ADAMTS16: variants seen among roughly 807,000 people sequenced by gnomAD.
ADAMTS16 encodes ADAM metallopeptidase with thrombospondin type 1 motif 16, also known as A disintegrin and metalloproteinase with thrombospondin motifs 16.
ADAMTS16 carries 94 observed loss-of-function variants against 145.8 expected under a neutral mutation model. The ratio of observed to expected loss-of-function variants is 0.64; its 90% CI spans 0.55 to 0.77. ADAMTS16 has a LOEUF of 0.77. ADAMTS16 is among the 30% of genes least tolerant of loss of function. ADAMTS16 has a pLI of 0.00. For missense variants in ADAMTS16, 1,585 were observed against 1,591.5 expected (o/e 1.00, Z 0.07); for synonymous variants, 659 against 604.3 (o/e 1.09, Z -1.33).
At chr5:5,186,755 C>A (rs1440366180) in intron 5 of ADAMTS16, among the ~76,000 whole-genome samples, 1 of 152,164 alleles carries the variant, frequency 6.6e-6, no homozygotes, top group Non-Finnish European at 1.5e-5. Flanking sequence ...CTCAAATTGG[C>A]AGCTGTATTA....
rs1482477939 is a variant in ADAMTS16, at chr5:5,319,658, G to C, written c.*520G>C. On this transcript the variant is annotated 3_prime_UTR_variant, in exon 23 of 23. Coordinates refer to ENST00000274181, the MANE Select transcript of ADAMTS16 (RefSeq NM_139056.4). ...AGGGGAGCTCCAGGAGGCTGCCCAG[G>C]CTCCTCCTCCTCCTCCCCAGCGGCC... is the stretch of plus-strand genomic sequence containing the variant. 1 of 349,508 alleles carries C rather than the reference G, an allele frequency of 2.9e-6. No individual in the cohort carries two copies. The highest frequency in any genetic ancestry group is 2.2e-5 in the African/African-American group (1 of 45,908). The allele number at this position is 349,508 out of a possible 1,614,324, so 21.7% of individuals were successfully genotyped here. A position where few individuals can be genotyped will look rare whatever the true frequency, so the allele number is the denominator to read the frequency against.
chr5:5,156,741 T>TTG (rs1442528055), intron 3 of ADAMTS16, among the ~76,000 whole-genome samples: 3 of 152,172 alleles, frequency 2.0e-5, no homozygotes, highest in Non-Finnish European at 2.9e-5. Flanking sequence ...ACTCAGGGGC[T>TTG]TGTGTGTGTG....
chr5:5,313,720 T>C (rs1412283652), intron 21 of ADAMTS16, among the ~76,000 whole-genome samples: 1 of 152,234 alleles, frequency 6.6e-6, no homozygotes, highest in African/African-American at 2.4e-5. Context: ...ACCGTGGCAA[T>C]TAAGACTGCA....
chr5:5,313,643 A>G (rs2126534970), intron 21 of ADAMTS16, among the ~76,000 whole-genome samples: 1 of 152,358 alleles, frequency 6.6e-6, no homozygotes, highest in East Asian at 1.9e-4. Flanking sequence ...GACAGCGCAC[A>G]CACTGATTTG....
intron 3 of ADAMTS16, among the ~76,000 whole-genome samples, chr5:5,146,705 T>C (rs1290651022): frequency 6.6e-6 from 1 of 152,212 alleles, no homozygotes; most frequent in Admixed American, 6.5e-5. Flanking sequence ...GCACTTCAGC[T>C]TGAAACTTGT....
At chr5:5,163,096 C>T (rs1306146866) in intron 3 of ADAMTS16, among the ~76,000 whole-genome samples, 1 of 152,182 alleles carries the variant, frequency 6.6e-6, no homozygotes, top group African/African-American at 2.4e-5. Context: ...GTGAGGGTCT[C>T]ACCTGCAAAT....
At chr5:5,150,221 C>T (rs1413866789) in intron 3 of ADAMTS16, among the ~76,000 whole-genome samples, 2 of 152,174 alleles carry the variant, frequency 1.3e-5, no homozygotes, top group Non-Finnish European at 2.9e-5. Context: ...TTTAAATAGC[C>T]ATCCCAGTGA....
intron 3 of ADAMTS16, among the ~76,000 whole-genome samples, chr5:5,161,114 T>G (rs1056601239): frequency 6.6e-6 from 1 of 152,214 alleles, no homozygotes; most frequent in Admixed American, 6.5e-5. Flanking sequence ...TATACTATGA[T>G]AAAATCAAGA....
At chr5:5,313,504 G>C (rs909742746) in intron 21 of ADAMTS16, among the ~76,000 whole-genome samples, 17 of 152,234 alleles carry the variant, frequency 1.1e-4, no homozygotes, top group Non-Finnish European at 1.5e-4. Flanking sequence ...GGAATGGCTT[G>C]CATGCGATCA....
At chr5:5,150,241 A>T (rs1734413244) in intron 3 of ADAMTS16, among the ~76,000 whole-genome samples, 1 of 152,226 alleles carries the variant, frequency 6.6e-6, no homozygotes, top group South Asian at 2.1e-4. Flanking sequence ...AGTACGAAGT[A>T]GTATCCTTTG....
intron 16 of ADAMTS16, 65 bp downstream of exon 16, chr5:5,239,990 A>T: frequency 6.3e-7 from 1 of 1,576,040 alleles, no homozygotes; most frequent in Non-Finnish European, 8.6e-7. Context: ...TGTGTAAGTT[A>T]ATGGCTGTTG....
chr5:5,180,229 G>A (rs571418151), intron 3 of ADAMTS16, among the ~76,000 whole-genome samples: 1 of 152,006 alleles, frequency 6.6e-6, no homozygotes, highest in Non-Finnish European at 1.5e-5. Context: ...CTCAGTCAGT[G>A]GGCAGCACTA....
chr5:5,222,302 T>A (rs1736628251), intron 10 of ADAMTS16, among the ~76,000 whole-genome samples: 1 of 143,844 alleles, frequency 7.0e-6, no homozygotes, highest in Non-Finnish European at 1.5e-5. Flanking sequence ...TTGGGGATGG[T>A]GGATGCATGG....
At chr5:5,178,624 A>G (rs61607728) in intron 3 of ADAMTS16, among the ~76,000 whole-genome samples, 3,057 of 152,268 alleles carry the variant, frequency 0.02, 241 homozygotes, top group Admixed American at 0.15. Flanking sequence ...TTAAATACTG[A>G]ATATTGTAAC....
intron 11 of ADAMTS16, among the ~76,000 whole-genome samples, chr5:5,224,854 G>C (rs16875086): frequency 3.3e-5 from 5 of 152,016 alleles, no homozygotes; most frequent in Non-Finnish European, 7.4e-5. Flanking sequence ...CCTGCTTTCT[G>C]TGTGGTCAGG....
intron 3 of ADAMTS16, among the ~76,000 whole-genome samples, chr5:5,166,949 G>A (rs547128993): frequency 2.3e-4 from 35 of 152,240 alleles, no homozygotes; most frequent in African/African-American, 7.9e-4. Flanking sequence ...CCAGCTGCTC[G>A]CTTCATCAAA....
In ADAMTS16 at chr5:5,184,322, T is replaced by G. The variant is rs562238706; in HGVS notation, c.764-1730T>G. On this transcript the variant is annotated intron_variant, in intron 4 of 22. Transcript: ENST00000274181. ...GGGCCCTATGTCACCTACACACAGA[T>G]GCACCCCCAGGGCACTGTCACCGAT... is the stretch of plus-strand genomic sequence containing the variant. Among the ~76,000 whole-genome samples, 3 of 117,188 alleles carry G rather than the reference T, an allele frequency of 2.6e-5. No homozygotes were observed. In the South Asian group the frequency reaches 1.0e-3, roughly 41 times the overall value. 76.9% of individuals were successfully genotyped at this position (117,188 alleles called of 152,430 possible). A position where few individuals can be genotyped will look rare whatever the true frequency, so the allele number is the denominator to read the frequency against.
intron 18 of ADAMTS16, among the ~76,000 whole-genome samples, chr5:5,297,540 A>C (rs960773904): frequency 6.6e-6 from 1 of 152,182 alleles, no homozygotes; most frequent in African/African-American, 2.4e-5. Context: ...AAGCGAGGTC[A>C]GTTTCTTTGG....
intron 17 of ADAMTS16, among the ~76,000 whole-genome samples, chr5:5,244,578 A>G (rs1737385461): frequency 6.6e-6 from 1 of 152,164 alleles, no homozygotes; most frequent in Non-Finnish European, 1.5e-5. Flanking sequence ...AATCCTTATT[A>G]TCATCTCAGA....
Sources: allele counts gnomAD v4.1 joint callset (sites outside exome capture counted in the v4.1 genomes callset), GRCh38; gene constraint gnomAD v4.1.1; transcripts MANE v1.5; gene names NCBI Gene and HGNC (gene_info 2026-07-23, HGNC 2026-07-21).